HS3ST1: variants seen among roughly 807,000 people sequenced by gnomAD.
HS3ST1 encodes the protein heparan sulfate-glucosamine 3-sulfotransferase 1.
Under a neutral mutation model 20.7 loss-of-function variants are expected in HS3ST1, and 8 were observed. The ratio of observed to expected loss-of-function variants is 0.39; its 90% CI spans 0.23 to 0.70. The LOEUF (loss-of-function observed/expected upper bound fraction) is 0.70. HS3ST1 is among the 30% of genes least tolerant of loss of function. The probability of loss-of-function intolerance (pLI) is 0.46; values close to 1 mark genes in which losing one functional copy is unlikely to be tolerated. For synonymous variants in HS3ST1, 205 were observed against 190.4 expected, an observed-to-expected ratio of 1.08 and a Z score of -0.63; for missense variants, 436 against 423.4, an observed-to-expected ratio of 1.03 and a Z score of -0.26.
intron 1 of HS3ST1, among the ~76,000 whole-genome samples, chr4:11,414,998 A>G (rs1455844265): frequency 6.6e-6 from 1 of 152,210 alleles, no homozygotes; most frequent in African/African-American, 2.4e-5. Context: ...AAGGGGAAAG[A>G]TGGATTTGGA....
At chr4:11,410,921 AAAAG>A (rs1718612951) in intron 1 of HS3ST1, among the ~76,000 whole-genome samples, 1 of 147,470 alleles carries the variant, frequency 6.8e-6, no homozygotes, top group Admixed American at 6.8e-5. Context: ...AAATAAATAA[AAAAG>A]TAGAGGAAAA....
At position 11,397,670 on chromosome 4, in the gene HS3ST1, A is replaced by G. The variant is rs929322971; in HGVS notation, c.*1412T>C. 1.6e-4 allele frequency: 24 copies of G among 152,120 alleles called. No homozygotes were observed. The highest frequency in any genetic ancestry group is 5.8e-4 in the African/African-American group (24 of 41,422). The allele number at this position is 152,120 out of a possible 1,614,324, so 9.4% of individuals were successfully genotyped here. A position where few individuals can be genotyped will look rare whatever the true frequency, so the allele number is the denominator to read the frequency against. ...TCTGGGCCTAATTCCTCCTCTTTGA[A>G]ATTTCCATAATAATATCTGCATCCT... is the stretch of plus-strand genomic sequence containing the variant. On this transcript the variant is annotated 3_prime_UTR_variant, in exon 2 of 2. Coordinates refer to ENST00000002596, the MANE Select transcript of HS3ST1 (RefSeq NM_005114.4).
intron 1 of HS3ST1, among the ~76,000 whole-genome samples, chr4:11,401,273 G>T (rs958434637): frequency 2.0e-5 from 3 of 151,802 alleles, no homozygotes; most frequent in Non-Finnish European, 2.9e-5. Flanking sequence ...TGATAATGTG[G>T]TCTCATACTA....
At position 11,399,270 on chromosome 4, in the gene HS3ST1, A is replaced by T; in HGVS notation, c.736T>A (p.Phe246Ile). The change falls in exon 2 of 2, where the codon TTC becomes ATC. Residue 246 changes from phenylalanine (F) to isoleucine (I), a missense_variant. By Grantham distance (21) the Phe-to-Ile change is conservative. Coordinates refer to ENST00000002596, the MANE Select transcript of HS3ST1 (RefSeq NM_005114.4). The surrounding 1 kb of genome is among the most constrained non-coding windows in gnomAD (Gnocchi z 5.1). ...KLSPQINASN[F>I]YFNKTKGFYC... ...AAGCCCTTGGTTTTGTTAAAGTAGA[A>T]GTTCGAAGCATTGATCTGCGGCGAC... The T allele has an allele frequency of 1.2e-6, 2 of 1,614,138 alleles. No homozygotes were observed. The highest frequency in any genetic ancestry group is 1.7e-6 in the Non-Finnish European group (2 of 1,180,026).
At chr4:11,419,834 T>A (rs967554636) in intron 1 of HS3ST1, among the ~76,000 whole-genome samples, 4 of 151,662 alleles carry the variant, frequency 2.6e-5, no homozygotes, top group Non-Finnish European at 4.4e-5. Context: ...TGGCATCCTT[T>A]AAAAAAAAAT....
chr4:11,428,593 C>T (rs1384010553), intron 1 of HS3ST1, 106 bp downstream of exon 1: 1 of 152,720 alleles, frequency 6.5e-6, no homozygotes, highest in African/African-American at 2.4e-5. Flanking sequence ...CTCGATTCTT[C>T]TTAGGTTCTG....
chr4:11,424,694 C>T (rs1354400912), intron 1 of HS3ST1, among the ~76,000 whole-genome samples: 6 of 152,164 alleles, frequency 3.9e-5, no homozygotes, highest in Non-Finnish European at 5.9e-5. Context: ...ATGCATACTG[C>T]TGCCAACGCC....
chr4:11,408,372 G>T (rs1052446842), intron 1 of HS3ST1, among the ~76,000 whole-genome samples: 3 of 152,154 alleles, frequency 2.0e-5, no homozygotes, highest in African/African-American at 4.8e-5. Flanking sequence ...GGTATAAATG[G>T]GATCCTGGGA....
In HS3ST1 at chr4:11,399,874, G is replaced by T; in HGVS notation, c.132C>A (p.Gly44=). 6.2e-7 allele frequency: 1 copy of T among 1,612,122 alleles called. No individual in the cohort carries two copies. Among genetic ancestry groups the T allele is most frequent in the South Asian group, 1.1e-5 (1 of 91,056 alleles). ...AGTLQDDVRD[G]VAPNGSAQQL... is the part of the protein sequence containing the mutation. ...GCTGGGCAGAGCCGTTTGGGGCCAC[G>T]CCATCGCGGACGTCATCCTGGAGGG... Residue 44 remains glycine, a synonymous_variant, in exon 2 of 2, where the codon GGC becomes GGA. Transcript: ENST00000002596. This position sits in a 1 kb window ranked among gnomAD's most constrained non-coding sequence, Gnocchi z 5.1.
rs773029950 is a variant in HS3ST1, at chr4:11,399,854, G to A, written c.152C>T (p.Ala51Val). Residue 51 changes from alanine to valine, a missense_variant, in exon 2 of 2, where the codon GCC becomes GTC. Physicochemically the swap from Ala to Val is moderately conservative, Grantham distance 64. Transcript: ENST00000002596. This position sits in a 1 kb window ranked among gnomAD's most constrained non-coding sequence, Gnocchi z 5.1. ...VRDGVAPNGSAQQLPQTIIIG... is the reference protein window; with the variant it reads ...VRDGVAPNGSVQQLPQTIIIG... ...GATGATGGTCTGCGGCAACTGCTGG[G>A]CAGAGCCGTTTGGGGCCACGCCATC... 6.2e-7 allele frequency: 1 copy of A among 1,612,788 alleles called. No homozygotes were observed. Among genetic ancestry groups the A allele is most frequent in the East Asian group, 2.2e-5 (1 of 44,864 alleles).
intron 1 of HS3ST1, among the ~76,000 whole-genome samples, chr4:11,427,402 C>T (rs940719105): frequency 1.3e-5 from 2 of 151,978 alleles, no homozygotes; most frequent in African/African-American, 4.8e-5. Context: ...GGACTGGCTC[C>T]TTCCGTTCTC....
chr4:11,401,820 A>G (rs563110417), intron 1 of HS3ST1, among the ~76,000 whole-genome samples: 1 of 152,362 alleles, frequency 6.6e-6, no homozygotes, highest in Admixed American at 6.5e-5. Flanking sequence ...TTTAGGCAGT[A>G]AAGGACACAG....
At chr4:11,414,717 C>G (rs1718727825) in intron 1 of HS3ST1, among the ~76,000 whole-genome samples, 1 of 152,202 alleles carries the variant, frequency 6.6e-6, no homozygotes, top group African/African-American at 2.4e-5. Flanking sequence ...GTTAAATAAG[C>G]TTTGGAAATT....
chr4:11,403,105 C>T (rs1718371584), intron 1 of HS3ST1, among the ~76,000 whole-genome samples: 1 of 152,310 alleles, frequency 6.6e-6, no homozygotes, highest in Middle Eastern at 3.4e-3. Context: ...TACATACACA[C>T]ATACTATATA....
At position 11,409,002 on chromosome 4, in the gene HS3ST1, C is replaced by T. The variant is rs181778391; in HGVS notation, c.-108-8889G>A. ...AAGTGGTCAGGAAAGACACACAAGG[C>T]ATCAGAGGCAAAATAGCCATGTGCC... On this transcript the variant is annotated intron_variant, in intron 1 of 1. Transcript: ENST00000002596. 9.8e-5 allele frequency among the ~76,000 whole-genome samples: 15 copies of T among 152,322 alleles called. No homozygotes were observed. In the East Asian group the frequency reaches 2.7e-3, roughly 27 times the overall value.
rs540010943 is a variant in HS3ST1, at chr4:11,417,644, A to G, written c.-109+11055T>C. On this transcript the variant is annotated intron_variant, in intron 1 of 1. Coordinates refer to ENST00000002596, the MANE Select transcript of HS3ST1 (RefSeq NM_005114.4). ...TCCATGGAACATTCTGAATTATGGG[A>G]CTGGGCAATAACCTAATTATATTCG... Among the ~76,000 whole-genome samples the G allele has an allele frequency of 3.9e-5, 6 of 152,246 alleles. No individual in the cohort carries two copies. In the South Asian group the frequency reaches 1.2e-3, roughly 32 times the overall value.
chr4:11,407,567 A>G (rs897170203), intron 1 of HS3ST1, among the ~76,000 whole-genome samples: 1 of 152,180 alleles, frequency 6.6e-6, no homozygotes, highest in Non-Finnish European at 1.5e-5. Flanking sequence ...TGAGAATGAT[A>G]AATGCAACCT....
Position 11,400,050 on chromosome 4 carries a change from A to C in HS3ST1, c.-45T>G. ...TCACTGGGCCGCGCGCCGCTGGGTC[A>C]TGAAGTGCCGCAGCAGGGAAGCCTC... is the stretch of plus-strand genomic sequence containing the variant. On this transcript the variant is annotated 5_prime_UTR_variant, in exon 2 of 2. The change abolishes an upstream ATG in the 5' untranslated region. Coordinates refer to ENST00000002596, the MANE Select transcript of HS3ST1 (RefSeq NM_005114.4). 5 of 1,443,532 alleles carry C rather than the reference A, an allele frequency of 3.5e-6. No homozygotes were observed. Among genetic ancestry groups the C allele is most frequent in the Non-Finnish European group, 4.5e-6 (5 of 1,102,212 alleles). The allele number at this position is 1,443,532 out of a possible 1,614,324, so 89.4% of individuals were successfully genotyped here.
chr4:11,418,570 G>T (rs896008561), intron 1 of HS3ST1, among the ~76,000 whole-genome samples: 1 of 152,154 alleles, frequency 6.6e-6, no homozygotes, highest in Non-Finnish European at 1.5e-5. Flanking sequence ...ACTGCGTGGC[G>T]AATGGAGCTC....
Sources: gnomAD v4.1 joint callset for allele counts (sites outside exome capture counted in the v4.1 genomes callset) on GRCh38, gnomAD v4.1.1 for gene constraint, Gnocchi (gnomAD v3.1) non-coding constraint, MANE v1.5 for transcripts, NCBI Gene and HGNC (gene_info 2026-07-23, HGNC 2026-07-21) for gene names.